Variants in L2HGDH observed in about 807,000 individuals in gnomAD.
L2HGDH encodes L-2-hydroxyglutarate dehydrogenase, mitochondrial.
L2HGDH carries 34 observed loss-of-function variants against 51.5 expected under a neutral mutation model. That is an observed-to-expected ratio of 0.66 (90% CI 0.50 to 0.88). The LOEUF is 0.88. Among genes scored for constraint, L2HGDH ranks in the 40% least tolerant of loss-of-function variants. The probability of loss-of-function intolerance (pLI) is 0.00; values close to 1 mark genes in which losing one functional copy is unlikely to be tolerated. For synonymous variants in L2HGDH, 198 were observed against 197.9 expected (o/e 1.00, Z -0.01); for missense variants, 558 against 571.9 (o/e 0.98, Z 0.25).
Position 50,245,276 on chromosome 14 carries a change from A to C in L2HGDH, c.*1782T>G. The stretch of plus-strand genomic sequence containing the variant: ...CTAAAGATCAGAGATATAATAGATA[A>C]ATAACTTTTTTAAATTGGAGTTCTA... On this transcript the variant is annotated 3_prime_UTR_variant, in exon 10 of 10. Coordinates refer to ENST00000267436, the MANE Select transcript of L2HGDH (RefSeq NM_024884.3). 1.0e-6 allele frequency: 1 copy of C among 984,900 alleles called. No individual in the cohort carries two copies. The highest frequency in any genetic ancestry group is 1.2e-6 in the Non-Finnish European group (1 of 829,478). 61.0% of individuals were successfully genotyped at this position (984,900 alleles called of 1,614,324 possible). A position where few individuals can be genotyped will look rare whatever the true frequency, so the allele number is the denominator to read the frequency against.
chr14:50,253,279 C>T (rs1395571186), intron 9 of L2HGDH, among the ~76,000 whole-genome samples: 5 of 152,062 alleles, frequency 3.3e-5, no homozygotes, highest in African/African-American at 1.2e-4. Context: ...ATGCAAACTA[C>T]TCATCTGACA....
chr14:50,292,181 G>T (rs1035602354), intron 4 of L2HGDH, among the ~76,000 whole-genome samples: 1 of 152,172 alleles, frequency 6.6e-6, no homozygotes, highest in Admixed American at 6.6e-5. Flanking sequence ...TCCAGACAAA[G>T]GGAGGGATAT....
intron 1 of L2HGDH, among the ~76,000 whole-genome samples, chr14:50,309,751 C>G (rs901168631): frequency 2.7e-5 from 4 of 150,652 alleles, no homozygotes; most frequent in Admixed American, 6.6e-5. Flanking sequence ...GGTGTAATCA[C>G]AGGTCACCAC....
At chr14:50,294,981 G>T (rs1359353693) in intron 3 of L2HGDH, among the ~76,000 whole-genome samples, 1 of 152,122 alleles carries the variant, frequency 6.6e-6, no homozygotes, top group East Asian at 1.9e-4. Flanking sequence ...AAGGTATAAA[G>T]GCTATTTAAA....
intron 3 of L2HGDH, among the ~76,000 whole-genome samples, chr14:50,296,530 C>T (rs924672305): frequency 1.4e-5 from 2 of 145,666 alleles, no homozygotes; most frequent in African/African-American, 2.5e-5. Context: ...ACTTCTGAAA[C>T]GGATTTGAGA....
intron 1 of L2HGDH, among the ~76,000 whole-genome samples, chr14:50,309,702 T>TTA (rs566706387): frequency 0.019 from 2,795 of 150,850 alleles, 44 homozygotes; most frequent in Non-Finnish European, 0.03. Context: ...TTTTTTTTTT[T>TTA]AAGAGAGTCT....
chr14:50,294,341 A>C, intron 3 of L2HGDH, 95 bp from the exon 4 acceptor site: 2 of 1,232,024 alleles, frequency 1.6e-6, no homozygotes, highest in Non-Finnish European at 2.3e-6. Context: ...CTATTGTATG[A>C]CCCAAAGGAG....
intron 4 of L2HGDH, among the ~76,000 whole-genome samples, chr14:50,287,699 T>C (rs1245631058): frequency 3.0e-5 from 4 of 135,286 alleles, no homozygotes; most frequent in Non-Finnish European, 6.4e-5. Context: ...TCCTTTTTTT[T>C]TTTTTTTTTT....
chr14:50,281,032 G>C (rs1388885094), intron 5 of L2HGDH, among the ~76,000 whole-genome samples: 1 of 152,154 alleles, frequency 6.6e-6, no homozygotes, highest in Non-Finnish European at 1.5e-5. Context: ...GCCCAGGCTG[G>C]TCTTAAACTC....
At chr14:50,294,317 T>C in intron 3 of L2HGDH, 71 bp from the exon 4 acceptor site, 1 of 1,500,348 alleles carries the variant, frequency 6.7e-7, no homozygotes. Flanking sequence ...ATAAAGTCAA[T>C]GGAAAATCAT....
At chr14:50,282,106 C>T (rs1890305470) in intron 5 of L2HGDH, among the ~76,000 whole-genome samples, 1 of 152,108 alleles carries the variant, frequency 6.6e-6, no homozygotes, top group Non-Finnish European at 1.5e-5. Flanking sequence ...TCCCAAAGTG[C>T]TGGGATTACA....
At position 50,246,822 on chromosome 14, in the gene L2HGDH, A is replaced by G. The variant is rs1888030683; in HGVS notation, c.*236T>C. On this transcript the variant is annotated 3_prime_UTR_variant, in exon 10 of 10. Coordinates refer to ENST00000267436, the MANE Select transcript of L2HGDH (RefSeq NM_024884.3). ...CAGCTCACCTCCGTCTGCTCGGTTC[A>G]ATTGATTCTCCTGCCTCAGCCTCCT... 2 of 553,972 alleles carry G rather than the reference A, an allele frequency of 3.6e-6. No homozygotes were observed. The highest frequency in any genetic ancestry group is 3.9e-5 in the East Asian group (1 of 25,622). The allele number at this position is 553,972 out of a possible 1,614,324, so 34.3% of individuals were successfully genotyped here. A position where few individuals can be genotyped will look rare whatever the true frequency, so the allele number is the denominator to read the frequency against.
intron 8 of L2HGDH, among the ~76,000 whole-genome samples, chr14:50,267,017 T>C (rs1889372190): frequency 6.6e-6 from 1 of 152,144 alleles, no homozygotes; most frequent in Non-Finnish European, 1.5e-5. Context: ...AATGATTTTA[T>C]TAAAATAGCC....
intron 2 of L2HGDH, 58 bp from the exon 3 acceptor site, chr14:50,302,226 G>A: frequency 6.4e-7 from 1 of 1,569,156 alleles, no homozygotes; most frequent in Non-Finnish European, 8.8e-7. Flanking sequence ...AAACATAAGA[G>A]GTAAGAGAAC....
At chr14:50,311,046 C>T (rs2031123486) in intron 1 of L2HGDH, among the ~76,000 whole-genome samples, 1 of 146,254 alleles carries the variant, frequency 6.8e-6, no homozygotes, top group Non-Finnish European at 1.5e-5. Context: ...CAGGTTCAAG[C>T]GATTCTCCTA....
chr14:50,247,263 T>C lies in L2HGDH; in HGVS notation c.1197-10A>G. ...TACTCCAGCTGGGCCCCTGCAAAAG[T>C]AAAAGATGGGAGTCAGCTGACTCAA... On this transcript the variant is annotated splice_polypyrimidine_tract_variant and intron_variant, in intron 9 of 9. Coordinates refer to ENST00000267436, the MANE Select transcript of L2HGDH (RefSeq NM_024884.3). 1 of 1,611,520 alleles carries C rather than the reference T, an allele frequency of 6.2e-7. No homozygotes were observed. The highest frequency in any genetic ancestry group is 8.5e-7 in the Non-Finnish European group (1 of 1,178,682).
In L2HGDH at chr14:50,247,216, C is replaced by G; in HGVS notation, c.1234G>C (p.Asp412His). 6.2e-7 allele frequency: 1 copy of G among 1,614,104 alleles called. No individual in the cohort carries two copies. ...ACAAAATCTTCTACCAGATTTCCAT[C>G]TCTATCCAGGGCCTGGGCTCTTACT... The part of the protein sequence containing the change: ...AGVRAQALDR[D>H]GNLVEDFVFD... The change falls in exon 10 of 10, where the codon GAT (aspartate) becomes CAT (histidine). Residue 412 changes from aspartate (D) to histidine (H), a missense_variant. By Grantham distance (81) the Asp-to-His change is moderately conservative. This residue lies in a region of L2HGDH where 321 missense variants were observed against 311.8 expected (regional missense o/e 1.03). Coordinates refer to ENST00000267436, the MANE Select transcript of L2HGDH (RefSeq NM_024884.3).
intron 4 of L2HGDH, chr14:50,287,370 T>C: frequency 2.1e-6 from 2 of 933,932 alleles, no homozygotes; most frequent in Non-Finnish European, 2.6e-6. Context: ...AGACCAATTC[T>C]CCAAATTTCA....
chr14:50,271,128 T>A (rs1327819041), intron 6 of L2HGDH, among the ~76,000 whole-genome samples: 1 of 148,752 alleles, frequency 6.7e-6, no homozygotes, highest in African/African-American at 2.5e-5. Context: ...GCTGGGACTA[T>A]AGGCGTGAGC....
Sources: allele counts gnomAD v4.1 joint callset (sites outside exome capture counted in the v4.1 genomes callset), GRCh38; gene constraint gnomAD v4.1.1; regional missense constraint gnomAD v4.1.1; transcripts MANE v1.5; gene names NCBI Gene and HGNC (gene_info 2026-07-23, HGNC 2026-07-21).